ADAMTS18: variants seen among roughly 807,000 people sequenced by gnomAD.
The protein encoded by ADAMTS18 is ADAM metallopeptidase with thrombospondin type 1 motif 18.
Under a neutral mutation model 165.9 loss-of-function variants are expected in ADAMTS18, and 157 were observed. The observed-to-expected ratio is 0.95, with a 90% CI of 0.83 to 1.08. The LOEUF is 1.08. ADAMTS18 is among the 50% of genes least tolerant of loss of function. ADAMTS18 has a pLI of 0.00. For synonymous variants in ADAMTS18, 782 were observed against 578.2 expected, an observed-to-expected ratio of 1.35 and a Z score of -5.06; for missense variants, 2,040 against 1,534.0, an observed-to-expected ratio of 1.33 and a Z score of -5.51.
chr16:77,344,820 C>T (rs1318512785), intron 10 of ADAMTS18, among the ~76,000 whole-genome samples: 1 of 151,932 alleles, frequency 6.6e-6, no homozygotes, highest in East Asian at 1.9e-4. Flanking sequence ...CGGTGGAGTA[C>T]AGAAGTCAAG....
chr16:77,346,842 T>G (rs1175104814), intron 10 of ADAMTS18, among the ~76,000 whole-genome samples: 1 of 152,220 alleles, frequency 6.6e-6, no homozygotes, highest in Non-Finnish European at 1.5e-5. Flanking sequence ...TACAATAATA[T>G]GCATTCATTT....
chr16:77,413,591 G>A (rs1013251601), intron 3 of ADAMTS18, among the ~76,000 whole-genome samples: 1 of 152,132 alleles, frequency 6.6e-6, no homozygotes, highest in Non-Finnish European at 1.5e-5. Context: ...ATTAGGGAGG[G>A]AAATTTATAA....
At chr16:77,346,015 C>A (rs986049158) in intron 10 of ADAMTS18, among the ~76,000 whole-genome samples, 1 of 152,206 alleles carries the variant, frequency 6.6e-6, no homozygotes, top group Non-Finnish European at 1.5e-5. Flanking sequence ...CACTGGCTCC[C>A]TGATGCTCTG....
intron 3 of ADAMTS18, among the ~76,000 whole-genome samples, chr16:77,376,919 AT>A (rs1042289175): frequency 1.4e-5 from 2 of 146,578 alleles, no homozygotes; most frequent in African/African-American, 5.1e-5. Flanking sequence ...GGTTCAAGCG[AT>A]TCTTCTGCCT....
chr16:77,411,670 A>G (rs945243554), intron 3 of ADAMTS18, among the ~76,000 whole-genome samples: 1 of 141,914 alleles, frequency 7.0e-6, no homozygotes, highest in South Asian at 2.3e-4. Context: ...ACCACAGAGT[A>G]TCCAGAATTT....
chr16:77,391,006 A>G, intron 3 of ADAMTS18, among the ~76,000 whole-genome samples: 1 of 152,148 alleles, frequency 6.6e-6, no homozygotes, highest in Admixed American at 6.5e-5. Context: ...CCATCCTTCC[A>G]TCTACTCTAT....
intron 3 of ADAMTS18, among the ~76,000 whole-genome samples, chr16:77,422,396 G>A (rs2057614702): frequency 6.6e-6 from 1 of 151,716 alleles, no homozygotes. Context: ...AAGCCAAGCA[G>A]AAGCAAGAAG....
In ADAMTS18 at chr16:77,300,373, G is replaced by A. The variant is rs1047417067; in HGVS notation, c.2564C>T (p.Ala855Val). ...GACCTTGGGAAGTGCATACTTCCAA[G>A]CTATCCCTGGATTTTTGCCTTGCAT... Reference protein sequence around the residue: ...ILMQGKNPGIAWKYALPKVMN... With the variant: ...ILMQGKNPGIVWKYALPKVMN... The change falls in exon 17 of 23, where the codon GCT (alanine) becomes GTT (valine). Residue 855 changes from alanine (A) to valine (V), a missense_variant. By Grantham distance (64) the Ala-to-Val change is moderately conservative. Coordinates refer to ENST00000282849, the MANE Select transcript of ADAMTS18 (RefSeq NM_199355.4). 21 of 1,614,032 alleles carry A rather than the reference G, an allele frequency of 1.3e-5. No individual in the cohort carries two copies. The highest frequency in any genetic ancestry group is 1.7e-5 in the Non-Finnish European group (20 of 1,179,964).
At chr16:77,421,927 T>C (rs567748389) in intron 3 of ADAMTS18, among the ~76,000 whole-genome samples, 2 of 152,196 alleles carry the variant, frequency 1.3e-5, no homozygotes, top group East Asian at 3.9e-4. Flanking sequence ...AAAAAATAGA[T>C]CTATGCAAAA....
At chr16:77,337,257 C>T (rs146107396) in intron 11 of ADAMTS18, among the ~76,000 whole-genome samples, 1 of 152,124 alleles carries the variant, frequency 6.6e-6, no homozygotes, top group Non-Finnish European at 1.5e-5. Flanking sequence ...ATCTTTTCTA[C>T]CGGGAATCAC....
At chr16:77,317,469 G>A (rs2055908435) in intron 16 of ADAMTS18, among the ~76,000 whole-genome samples, 1 of 152,202 alleles carries the variant, frequency 6.6e-6, no homozygotes, top group Admixed American at 6.5e-5. Flanking sequence ...GACTAGCTGG[G>A]ATTACAGGCA....
chr16:77,431,524 G>T lies in ADAMTS18; in HGVS notation c.266C>A (p.Ser89Ter). The T allele has an allele frequency of 6.2e-7, 1 of 1,614,136 alleles. No homozygotes were observed. Among genetic ancestry groups the T allele is most frequent in the Non-Finnish European group, 8.5e-7 (1 of 1,180,032 alleles). ...DILHNGRKKR[S>*]AQNARSSLHY... Reference sequence around the variant, plus strand: ...CAGGGAGCTTCTGGCATTCTGCGCCGATCGCTTTTTCCTGCCGTTGTGCAA... The same window carrying T: ...CAGGGAGCTTCTGGCATTCTGCGCCTATCGCTTTTTCCTGCCGTTGTGCAA... The change falls in exon 3 of 23, where the codon TCG becomes TAG. Residue 89 changes from serine to a stop codon, truncating the protein, a stop_gained. Transcript: ENST00000282849. LOFTEE classifies it high-confidence loss of function.
intron 16 of ADAMTS18, among the ~76,000 whole-genome samples, chr16:77,305,334 A>C (rs1453349765): frequency 6.6e-6 from 1 of 152,162 alleles, no homozygotes; most frequent in South Asian, 2.1e-4. Flanking sequence ...TCTCTGTGGG[A>C]AAGTTTCTCT....
At chr16:77,296,897 G>A (rs983464360) in intron 18 of ADAMTS18, among the ~76,000 whole-genome samples, 1 of 152,152 alleles carries the variant, frequency 6.6e-6, no homozygotes, top group African/African-American at 2.4e-5. Flanking sequence ...ATTTATTCCT[G>A]GCTATCAAGC....
At chr16:77,348,311 T>C (rs2056507021) in intron 10 of ADAMTS18, among the ~76,000 whole-genome samples, 2 of 152,162 alleles carry the variant, frequency 1.3e-5, no homozygotes, top group African/African-American at 4.8e-5. Flanking sequence ...TTGGGGAATG[T>C]GGCTGAGATC....
chr16:77,412,305 A>G (rs2057475420), intron 3 of ADAMTS18, among the ~76,000 whole-genome samples: 1 of 152,112 alleles, frequency 6.6e-6, no homozygotes, highest in Non-Finnish European at 1.5e-5. Context: ...ATAACGCATG[A>G]GTCAAATAAT....
At chr16:77,399,449 A>G (rs567968784) in intron 3 of ADAMTS18, among the ~76,000 whole-genome samples, 57 of 152,252 alleles carry the variant, frequency 3.7e-4, no homozygotes, top group African/African-American at 1.4e-3. Context: ...AGCCTCAGAG[A>G]AGCTAGAGGA....
chr16:77,410,742 G>T (rs1006184784), intron 3 of ADAMTS18, among the ~76,000 whole-genome samples: 17 of 152,118 alleles, frequency 1.1e-4, no homozygotes, highest in African/African-American at 4.1e-4. Flanking sequence ...TTAGAAAGGA[G>T]AAACTAATAA....
intron 8 of ADAMTS18, among the ~76,000 whole-genome samples, chr16:77,358,080 G>C (rs1249797212): frequency 1.3e-5 from 2 of 152,074 alleles, no homozygotes; most frequent in Non-Finnish European, 2.9e-5. Context: ...TTCCTGCTTT[G>C]TATGAGAAGC....
Sources: allele counts gnomAD v4.1 joint callset (sites outside exome capture counted in the v4.1 genomes callset), GRCh38; gene constraint gnomAD v4.1.1; transcripts MANE v1.5; gene names NCBI Gene and HGNC (gene_info 2026-07-23, HGNC 2026-07-21).